HS3ST4: variants seen among roughly 807,000 people sequenced by gnomAD.
HS3ST4 encodes heparan sulfate-glucosamine 3-sulfotransferase 4.
HS3ST4 carries 17 observed loss-of-function variants against 29.2 expected under a neutral mutation model. The ratio of observed to expected loss-of-function variants is 0.58; its 90% confidence interval spans 0.40 to 0.87. The LOEUF is 0.87. Ranked by LOEUF, HS3ST4 falls within the 40% of genes least tolerant of loss-of-function variation. HS3ST4 has a pLI of 0.00. For missense variants in HS3ST4, 627 were observed against 634.5 expected (o/e 0.99, Z 0.13); for synonymous variants, 314 against 285.7 (o/e 1.10, Z -1.00).
intron 1 of HS3ST4, among the ~76,000 whole-genome samples, chr16:26,109,120 G>A (rs1322889242): frequency 2.0e-5 from 3 of 152,068 alleles, no homozygotes; most frequent in East Asian, 1.9e-4. Flanking sequence ...AGAAATGCTC[G>A]TTCAATGCAC....
intron 1 of HS3ST4, among the ~76,000 whole-genome samples, chr16:25,934,571 G>A (rs890577680): frequency 6.6e-6 from 1 of 152,182 alleles, no homozygotes; most frequent in Non-Finnish European, 1.5e-5. Context: ...CTCAGTTGAG[G>A]TGCATATAAA....
intron 1 of HS3ST4, among the ~76,000 whole-genome samples, chr16:25,814,148 C>T (rs1312773754): frequency 1.3e-5 from 2 of 152,150 alleles, no homozygotes. Flanking sequence ...ATCTTGTTTT[C>T]AGTGGAGGCT....
intron 1 of HS3ST4, among the ~76,000 whole-genome samples, chr16:25,911,524 T>G (rs1473833818): frequency 2.3e-4 from 24 of 103,502 alleles, no homozygotes; most frequent in East Asian, 7.3e-4. Context: ...TTTTTTTTTT[T>G]GGGACATGAC....
chr16:26,008,038 T>C (rs1230751030), intron 1 of HS3ST4, among the ~76,000 whole-genome samples: 2 of 152,154 alleles, frequency 1.3e-5, no homozygotes, highest in African/African-American at 4.8e-5. Context: ...AATTCCCCTT[T>C]AGCTCTTAGT....
chr16:25,701,660 T>A (rs879301745), intron 1 of HS3ST4, among the ~76,000 whole-genome samples: 1 of 152,180 alleles, frequency 6.6e-6, no homozygotes, highest in Non-Finnish European at 1.5e-5. Context: ...GTGCAGCTGT[T>A]ATTTAGTTAT....
chr16:26,008,942 C>T (rs995567146), intron 1 of HS3ST4, among the ~76,000 whole-genome samples: 2 of 152,216 alleles, frequency 1.3e-5, no homozygotes, highest in Non-Finnish European at 2.9e-5. Flanking sequence ...TAGCAGCACC[C>T]ACGCCTAGCA....
chr16:25,941,724 A>C (rs1479014888), intron 1 of HS3ST4, among the ~76,000 whole-genome samples: 1 of 151,890 alleles, frequency 6.6e-6, no homozygotes, highest in African/African-American at 2.4e-5. Flanking sequence ...TTACAGGCAC[A>C]CGCCACCACA....
In HS3ST4 at chr16:26,100,355, G is replaced by A. The variant is rs534106025; in HGVS notation, c.735-35257G>A. On this transcript the variant is annotated intron_variant, in intron 1 of 1. Coordinates refer to ENST00000331351, the MANE Select transcript of HS3ST4 (RefSeq NM_006040.3). ...TTACGAAGAAAAAGAAAGAAAATTT[G>A]TGAATACGAAATGTTGGGTGCTTCC... Among the ~76,000 whole-genome samples, 10 of 152,302 alleles carry A rather than the reference G, an allele frequency of 6.6e-5. No homozygotes were observed. The South Asian group carries it at 1.9e-3, about 28-fold the overall frequency.
rs771994551 is a variant in HS3ST4 at position 26,033,242 on chromosome 16, A to G, written c.735-102370A>G. 2.6e-5 allele frequency among the ~76,000 whole-genome samples: 4 copies of G among 152,136 alleles called. No homozygotes were observed. In the South Asian group the frequency reaches 8.3e-4, roughly 32 times the overall value. On this transcript the variant is annotated intron_variant, in intron 1 of 1. Coordinates refer to ENST00000331351, the MANE Select transcript of HS3ST4 (RefSeq NM_006040.3). Reference sequence around the variant, plus strand: ...CAAAATGTATATTAGCAGGCTGGGCATGGTGGGTCACGCCTGTAATCCCAG... The same window carrying G: ...CAAAATGTATATTAGCAGGCTGGGCGTGGTGGGTCACGCCTGTAATCCCAG...
intron 1 of HS3ST4, among the ~76,000 whole-genome samples, chr16:25,991,920 C>T (rs1344221548): frequency 6.8e-6 from 1 of 146,130 alleles, no homozygotes; most frequent in Non-Finnish European, 1.5e-5. Flanking sequence ...ACTCGGGAGG[C>T]TGAGGCAGGA....
Position 25,782,040 on chromosome 16 carries a change from G to A in HS3ST4, c.734+88889G>A, listed in dbSNP as rs1966853098. ...GCTTACAGTTCAGCATGGCTGGGGAGGCCTCGGGAAATTTACAATCATGGC... is the reference window on the plus strand; with the variant it reads ...GCTTACAGTTCAGCATGGCTGGGGAAGCCTCGGGAAATTTACAATCATGGC... On this transcript the variant is annotated intron_variant, in intron 1 of 1. Coordinates refer to ENST00000331351, the MANE Select transcript of HS3ST4 (RefSeq NM_006040.3). Among the ~76,000 whole-genome samples the A allele has an allele frequency of 2.0e-5, 3 of 152,154 alleles. No homozygotes were observed. The South Asian group carries it at 6.2e-4, about 32-fold the overall frequency.
At chr16:25,711,171 A>G (rs1445870699) in intron 1 of HS3ST4, among the ~76,000 whole-genome samples, 1 of 152,010 alleles carries the variant, frequency 6.6e-6, no homozygotes, top group African/African-American at 2.4e-5. Flanking sequence ...TAATTCCATG[A>G]AAGACTTTGG....
chr16:25,775,149 A>G (rs1032284270), intron 1 of HS3ST4, among the ~76,000 whole-genome samples: 5 of 152,180 alleles, frequency 3.3e-5, no homozygotes, highest in Admixed American at 1.3e-4. Context: ...CTGTTATTCT[A>G]TGAAGACCTT....
At chr16:25,694,517 A>G (rs1044452412) in intron 1 of HS3ST4, among the ~76,000 whole-genome samples, 4 of 152,232 alleles carry the variant, frequency 2.6e-5, no homozygotes, top group African/African-American at 7.2e-5. Flanking sequence ...GGAGGCTTCA[A>G]ACAGCCCCTT....
intron 1 of HS3ST4, among the ~76,000 whole-genome samples, chr16:25,831,534 TG>T (rs1967300253): frequency 6.6e-6 from 1 of 151,682 alleles, no homozygotes; most frequent in South Asian, 2.1e-4. Flanking sequence ...GAGGCTGCAA[TG>T]AACTATGACC....
intron 1 of HS3ST4, among the ~76,000 whole-genome samples, chr16:26,054,489 G>A (rs927792081): frequency 3.3e-5 from 5 of 152,170 alleles, no homozygotes; most frequent in African/African-American, 1.2e-4. Context: ...CCATCAAGGG[G>A]CCAGGGAAGT....
At chr16:26,011,947 G>T (rs1969315082) in intron 1 of HS3ST4, among the ~76,000 whole-genome samples, 1 of 152,176 alleles carries the variant, frequency 6.6e-6, no homozygotes, top group South Asian at 2.1e-4. Context: ...TGAAAGCCAG[G>T]TTAGGGCCAA....
intron 1 of HS3ST4, among the ~76,000 whole-genome samples, chr16:25,743,288 A>T (rs1966666540): frequency 6.6e-6 from 1 of 152,208 alleles, no homozygotes; most frequent in Non-Finnish European, 1.5e-5. Context: ...CAGTTTGCTT[A>T]TCTGTACAAA....
At chr16:25,702,163 G>A (rs538116292) in intron 1 of HS3ST4, among the ~76,000 whole-genome samples, 1 of 152,200 alleles carries the variant, frequency 6.6e-6, no homozygotes, top group East Asian at 1.9e-4. Flanking sequence ...AAGGAGAAAG[G>A]GGGGAGGTAG....
Sources: gnomAD v4.1 joint callset for allele counts (sites outside exome capture counted in the v4.1 genomes callset) on GRCh38, gnomAD v4.1.1 for gene constraint, MANE v1.5 for transcripts, NCBI Gene and HGNC (gene_info 2026-07-23, HGNC 2026-07-21) for gene names.